Variants in ZNF425 observed in about 807,000 individuals in gnomAD.
The protein encoded by ZNF425 is zinc finger protein 425.
Under a neutral mutation model 17.0 loss-of-function variants are expected in ZNF425, and 21 were observed. The observed-to-expected ratio is 1.23, with a 90% CI of 0.88 to 1.78. The LOEUF (loss-of-function observed/expected upper bound fraction) is 1.78. Ranked by LOEUF, ZNF425 falls within the 40% of genes most tolerant of loss-of-function variation. ZNF425 has a pLI of 0.00. For missense variants in ZNF425, 868 were observed against 967.3 expected, an observed-to-expected ratio of 0.90 and a Z score of 1.36; for synonymous variants, 433 against 384.1, an observed-to-expected ratio of 1.13 and a Z score of -1.49.
chr7:149,122,023 C>G (rs1228152339), intron 1 of ZNF425, among the ~76,000 whole-genome samples: 1 of 151,378 alleles, frequency 6.6e-6, no homozygotes, highest in Non-Finnish European at 1.5e-5. Flanking sequence ...TCACGCCATT[C>G]TTCTGCCTCA....
chr7:149,109,171 G>C (rs143792952), intron 3 of ZNF425, among the ~76,000 whole-genome samples: 1 of 150,436 alleles, frequency 6.6e-6, no homozygotes, highest in Non-Finnish European at 1.5e-5. Context: ...TCCGCCTCCC[G>C]GGTTCACGCC....
chr7:149,103,684 C>G lies in ZNF425; in HGVS notation c.2187G>C (p.Arg729Ser), dbSNP rs762469940. 6.2e-7 allele frequency: 1 copy of G among 1,614,162 alleles called. No individual in the cohort carries two copies. The highest frequency in any genetic ancestry group is 8.5e-7 in the Non-Finnish European group (1 of 1,180,046). ...ERPFSCDECG[R>S]SFTYVGALKT... is the part of the protein sequence containing the mutation. ...TGAGCGCCCCCACGTACGTGAAGCT[C>G]CTTCCACACTCATCACAAGAAAAAG... The change falls in exon 4 of 4, where the codon AGG (arginine) becomes AGC (serine). Residue 729 changes from arginine (R) to serine (S), a missense_variant. This residue lies in a region of ZNF425 where 437 missense variants were observed against 444.2 expected (regional missense o/e 0.98). Transcript: ENST00000378061.
At chr7:149,109,521 G>A (rs150065436) in intron 3 of ZNF425, among the ~76,000 whole-genome samples, 106 of 152,152 alleles carry the variant, frequency 7.0e-4, no homozygotes, top group Non-Finnish European at 1.4e-3. Flanking sequence ...GAGTCCTCCT[G>A]GGATATTGCT....
At chr7:149,126,093 G>C (rs749253467) in intron 1 of ZNF425, 103 bp downstream of exon 1, 1 of 1,582,716 alleles carries the variant, frequency 6.3e-7, no homozygotes, top group Non-Finnish European at 8.6e-7. Flanking sequence ...CAACCCCCAG[G>C]CCCAGGCCCC....
At chr7:149,119,590 C>G (rs1485219869) in intron 1 of ZNF425, among the ~76,000 whole-genome samples, 1 of 152,076 alleles carries the variant, frequency 6.6e-6, no homozygotes, top group East Asian at 1.9e-4. Context: ...TTTGTATTCA[C>G]AGGTTCCACA....
Position 149,105,561 on chromosome 7 carries a change from C to T in ZNF425, c.310G>A (p.Glu104Lys), listed in dbSNP as rs1826067136. ...NTGKLLCFDD[E>K]GTPRTKEEDC... The stretch of plus-strand genomic sequence containing the variant: ...TCTTCTTTTGTCCTGGGAGTTCCTT[C>T]GTCATCTGGAGCAGAAAGAAGTATC... The change falls in exon 4 of 4, where the codon GAA becomes AAA. Residue 104 changes from glutamate (E) to lysine (K), a missense_variant. Physicochemically the swap from Glu to Lys is moderately conservative, Grantham distance 56 (BLOSUM62 1). This residue lies in a region of ZNF425 where 179 missense variants were observed against 216.3 expected (regional missense o/e 0.83). Transcript: ENST00000378061. 6.6e-7 allele frequency: 1 copy of T among 1,506,176 alleles called. No homozygotes were observed. The highest frequency in any genetic ancestry group is 8.8e-7 in the Non-Finnish European group (1 of 1,131,926). The allele number at this position is 1,506,176 out of a possible 1,614,324, so 93.3% of individuals were successfully genotyped here.
At chr7:149,118,538 C>T in intron 1 of ZNF425, 190 bp from the exon 2 acceptor site, 2 of 669,486 alleles carry the variant, frequency 3.0e-6, no homozygotes, top group Non-Finnish European at 4.9e-6. Flanking sequence ...ATGGGCCGGG[C>T]CCAGTCGCTC....
At chr7:149,121,885 T>C (rs1469433446) in intron 1 of ZNF425, among the ~76,000 whole-genome samples, 1 of 151,126 alleles carries the variant, frequency 6.6e-6, no homozygotes, top group East Asian at 2.0e-4. Flanking sequence ...ATATTCTCTT[T>C]GGCAAAATGC....
At position 149,105,084 on chromosome 7, in the gene ZNF425, T is replaced by A. The variant is rs1826058243; in HGVS notation, c.787A>T (p.Thr263Ser). ...KSYFLKGSLV[T>S]HQVVHTGQRP... ...TGGCCGGTGTGGACAACCTGATGAG[T>A]GACGAGGCTGCCCTTCAGGAAGTAG... The change falls in exon 4 of 4, where the codon ACT (threonine) becomes TCT (serine). Residue 263 changes from threonine to serine, a missense_variant. Around this residue, in one of 5 missense-constraint regions of ZNF425, gnomAD observed 243 missense variants for 265.2 expected, o/e 0.92. Coordinates refer to ENST00000378061, the MANE Select transcript of ZNF425 (RefSeq NM_001001661.3). 1 of 1,614,018 alleles carries A rather than the reference T, an allele frequency of 6.2e-7. No homozygotes were observed. The highest frequency in any genetic ancestry group is 8.5e-7 in the Non-Finnish European group (1 of 1,180,018).
At chr7:149,122,635 C>T (rs760191686) in intron 1 of ZNF425, among the ~76,000 whole-genome samples, 16 of 152,098 alleles carry the variant, frequency 1.1e-4, no homozygotes, top group Non-Finnish European at 1.8e-4. Context: ...AAGATTTTCT[C>T]CAGTGTCACC....
Position 149,104,589 on chromosome 7 carries a change from T to A in ZNF425, c.1282A>T (p.Ser428Cys). ...ECNKSFRLKR[S>C]LKAHGLQHIG... Reference sequence around the variant, plus strand: ...TGCTGCAGCCCGTGGGCTTTCAGGCTTCTCTTGAGGCGGAAACTTTTGTTA... The same window carrying A: ...TGCTGCAGCCCGTGGGCTTTCAGGCATCTCTTGAGGCGGAAACTTTTGTTA... Residue 428 changes from serine to cysteine, a missense_variant, in exon 4 of 4, where the codon AGC becomes TGC. Around this residue, in one of 5 missense-constraint regions of ZNF425, gnomAD observed 437 missense variants for 444.2 expected, o/e 0.98. Coordinates refer to ENST00000378061, the MANE Select transcript of ZNF425 (RefSeq NM_001001661.3). This position sits in a 1 kb window ranked among gnomAD's most constrained non-coding sequence, Gnocchi z 4.3. The A allele has an allele frequency of 6.2e-7, 1 of 1,613,972 alleles. No individual in the cohort carries two copies. The highest frequency in any genetic ancestry group is 1.1e-5 in the South Asian group (1 of 91,072).
At position 149,105,352 on chromosome 7, in the gene ZNF425, C is replaced by G; in HGVS notation, c.519G>C (p.Lys173Asn). 6.2e-7 allele frequency: 1 copy of G among 1,613,740 alleles called. No homozygotes were observed. Among genetic ancestry groups the G allele is most frequent in the South Asian group, 1.1e-5 (1 of 91,044 alleles). Residue 173 changes from lysine (K) to asparagine (N), a missense_variant, in exon 4 of 4, where the codon AAG (lysine) becomes AAC (asparagine). Lys to Asn is a moderately conservative substitution (Grantham distance 94). Coordinates refer to ENST00000378061, the MANE Select transcript of ZNF425 (RefSeq NM_001001661.3). ...CTAAGCGCCCTGGGGTCTCCCGAGG[C>G]TTATGCCGCAGGTCTTTCTTGTCTG... Reference protein sequence around the residue: ...YDPDKKDLRHKPRETPGRLEI... With the variant: ...YDPDKKDLRHNPRETPGRLEI...
chr7:149,107,104 C>CAA (rs35268081), intron 3 of ZNF425, among the ~76,000 whole-genome samples: 16 of 82,026 alleles, frequency 2.0e-4, no homozygotes, highest in African/African-American at 5.2e-4. Flanking sequence ...GAGACTGTCT[C>CAA]AAAAAAAAAA....
At chr7:149,117,132 C>T (rs192155310) in intron 2 of ZNF425, among the ~76,000 whole-genome samples, 2 of 151,888 alleles carry the variant, frequency 1.3e-5, no homozygotes, top group South Asian at 2.1e-4. Flanking sequence ...AGCGCGGTGG[C>T]GGGCACCTGT....
In ZNF425 at chr7:149,104,974, C is replaced by CT. The variant is rs755645825; in HGVS notation, c.896dup (p.Arg300AlafsTer37). ...CGCACTCCCCGCAGCAGAACGGCCG[C>CT]TCCCCGCGGTGTAGACACAGGTGCT... On this transcript the variant is annotated frameshift_variant, in exon 4 of 4. Coordinates refer to ENST00000378061, the MANE Select transcript of ZNF425 (RefSeq NM_001001661.3). LOFTEE classifies it low-confidence loss of function (END_TRUNC). This position sits in a 1 kb window ranked among gnomAD's most constrained non-coding sequence, Gnocchi z 4.3. 42 of 1,614,094 alleles carry CT rather than the reference C, an allele frequency of 2.6e-5. No individual in the cohort carries two copies. In the South Asian group the frequency reaches 4.6e-4, roughly 18 times the overall value.
rs1585481107 is a variant in ZNF425, at chr7:149,105,036, A to C, written c.835T>G (p.Cys279Gly). ...TGQRPYPCPE[C>G]DKTFRYRANL... ...GCCCTGTACCGGAAGGTCTTGTCGC[A>C]CTCAGGGCATGGGTAGGGCCGCTGG... Residue 279 changes from cysteine to glycine, a missense_variant, in exon 4 of 4, where the codon TGC (cysteine) becomes GGC (glycine). Cys to Gly is a radical substitution (Grantham distance 159). Around this residue, in one of 5 missense-constraint regions of ZNF425, gnomAD observed 243 missense variants for 265.2 expected, o/e 0.92. Transcript: ENST00000378061. 1.9e-6 allele frequency: 3 copies of C among 1,614,074 alleles called. No homozygotes were observed. Among genetic ancestry groups the C allele is most frequent in the Non-Finnish European group, 2.5e-6 (3 of 1,180,038 alleles).
intron 1 of ZNF425, among the ~76,000 whole-genome samples, chr7:149,122,323 C>T (rs1010631001): frequency 1.1e-4 from 16 of 151,404 alleles, no homozygotes; most frequent in African/African-American, 3.6e-4. Context: ...TGCTACATTG[C>T]GCAGGCTAAT....
Position 149,104,252 on chromosome 7 carries a change from T to C in ZNF425, c.1619A>G (p.His540Arg), listed in dbSNP as rs903632051. 2 of 1,613,642 alleles carry C rather than the reference T, an allele frequency of 1.2e-6. No individual in the cohort carries two copies. Among genetic ancestry groups the C allele is most frequent in the African/African-American group, 2.7e-5 (2 of 75,052 alleles). ...GTGAAGCCTCGTGTGCTCTGTGAGATGCGCGCGTCGGCGGAAACTGCGGCC... is the reference window on the plus strand; with the variant it reads ...GTGAAGCCTCGTGTGCTCTGTGAGACGCGCGCGTCGGCGGAAACTGCGGCC... ...ECGRSFRRRA[H>R]LTEHTRLHSG... Residue 540 changes from histidine (H) to arginine (R), a missense_variant, in exon 4 of 4, where the codon CAT (histidine) becomes CGT (arginine). This residue lies in a region of ZNF425 where 437 missense variants were observed against 444.2 expected (regional missense o/e 0.98). Transcript: ENST00000378061. The surrounding 1 kb of genome is among the most constrained non-coding windows in gnomAD (Gnocchi z 4.3).
At chr7:149,126,057 C>T in intron 1 of ZNF425, 139 bp downstream of exon 1, 2 of 1,508,798 alleles carry the variant, frequency 1.3e-6, no homozygotes, top group East Asian at 2.4e-5. Context: ...CCAGCCCAGC[C>T]CGGAGCTCAG....
Sources: gnomAD v4.1 joint callset for allele counts (sites outside exome capture counted in the v4.1 genomes callset) on GRCh38, gnomAD v4.1.1 for gene constraint, gnomAD v4.1.1 regional missense constraint, Gnocchi (gnomAD v3.1) non-coding constraint, MANE v1.5 for transcripts, NCBI Gene and HGNC (gene_info 2026-07-23, HGNC 2026-07-21) for gene names.